Variants in HECTD2 observed in about 807,000 individuals in gnomAD.
The protein encoded by HECTD2 is probable E3 ubiquitin-protein ligase HECTD2.
In HECTD2, 35 loss-of-function variants were observed where a neutral mutation model predicts 103.2. The observed-to-expected ratio is 0.34, with a 90% CI of 0.26 to 0.45. HECTD2 has a LOEUF of 0.45. Among genes scored for constraint, HECTD2 ranks in the 20% least tolerant of loss-of-function variants. The probability of loss-of-function intolerance (pLI) is 1.00; values close to 1 mark genes in which losing one functional copy is unlikely to be tolerated. For synonymous variants in HECTD2, 281 were observed against 329.9 expected (o/e 0.85, Z 1.61); for missense variants, 596 against 937.4 (o/e 0.64, Z 4.76).
At chr10:91,474,405 A>G (rs956003515) in intron 5 of HECTD2, among the ~76,000 whole-genome samples, 1 of 152,234 alleles carries the variant, frequency 6.6e-6, no homozygotes, top group Non-Finnish European at 1.5e-5. Context: ...GGTTGAAAGT[A>G]AGGGTATATA....
intron 2 of HECTD2, among the ~76,000 whole-genome samples, chr10:91,443,469 G>T (rs1282021925): frequency 6.6e-6 from 1 of 151,476 alleles, no homozygotes; most frequent in Non-Finnish European, 1.5e-5. Context: ...TCCCAGAGGG[G>T]CACCTGCCAG....
intron 20 of HECTD2, among the ~76,000 whole-genome samples, chr10:91,508,579 A>G (rs1159464550): frequency 2.0e-5 from 3 of 150,240 alleles, no homozygotes; most frequent in Admixed American, 6.6e-5. Flanking sequence ...ATGAGATACC[A>G]TCTCACACCA....
chr10:91,489,371 T>C (rs184025062), intron 11 of HECTD2: 93 of 152,288 alleles, frequency 6.1e-4, no homozygotes, highest in African/African-American at 2.1e-3. Flanking sequence ...AGGACAATCT[T>C]ACAAATAGTC....
chr10:91,472,596 A>G (rs1845766431), intron 5 of HECTD2, among the ~76,000 whole-genome samples: 1 of 152,214 alleles, frequency 6.6e-6, no homozygotes, highest in African/African-American at 2.4e-5. Context: ...TAAAAAACTG[A>G]AATAATAAGC....
intron 5 of HECTD2, chr10:91,462,854 C>A: frequency 1.4e-6 from 1 of 712,964 alleles, no homozygotes; most frequent in Non-Finnish European, 1.7e-6. Flanking sequence ...CATAAGCATA[C>A]TGTATCCTTT....
intron 20 of HECTD2, among the ~76,000 whole-genome samples, chr10:91,504,901 G>C (rs1410725801): frequency 6.6e-6 from 1 of 152,224 alleles, no homozygotes; most frequent in East Asian, 1.9e-4. Flanking sequence ...CCCTCAAAGA[G>C]AAGCCCATCA....
intron 5 of HECTD2, among the ~76,000 whole-genome samples, chr10:91,473,830 T>C (rs761856606): frequency 6.6e-6 from 1 of 152,212 alleles, no homozygotes; most frequent in Non-Finnish European, 1.5e-5. Flanking sequence ...GGTGAGGTTC[T>C]GATCAACAGT....
intron 2 of HECTD2, among the ~76,000 whole-genome samples, chr10:91,438,511 T>A (rs1844235715): frequency 3.3e-5 from 5 of 150,828 alleles, no homozygotes; most frequent in Admixed American, 3.3e-4. Context: ...TTCCCAGTCT[T>A]TGCTATTGCG....
chr10:91,485,172 CT>C lies in HECTD2; in HGVS notation c.971-5del. On this transcript the variant is annotated splice_region_variant and splice_polypyrimidine_tract_variant and intron_variant, in intron 9 of 20. Coordinates refer to ENST00000298068, the MANE Select transcript of HECTD2 (RefSeq NM_182765.6). ...AAAAAGTCTTTATGTTAGAATTTAT[CT>C]TTACAGATACTGCAAACAATTTAGT... The C allele has an allele frequency of 6.6e-7, 1 of 1,514,476 alleles. No homozygotes were observed. The highest frequency in any genetic ancestry group is 8.9e-7 in the Non-Finnish European group (1 of 1,118,060). 93.8% of individuals were successfully genotyped at this position (1,514,476 alleles called of 1,614,324 possible). A position where few individuals can be genotyped will look rare whatever the true frequency, so the allele number is the denominator to read the frequency against.
At chr10:91,509,919 G>T (rs1847355332) in intron 20 of HECTD2, among the ~76,000 whole-genome samples, 1 of 152,060 alleles carries the variant, frequency 6.6e-6, no homozygotes, top group Admixed American at 6.5e-5. Flanking sequence ...ATGTACCCCT[G>T]AACCTAAAAT....
At chr10:91,495,052 A>C (rs1214063397) in intron 14 of HECTD2, among the ~76,000 whole-genome samples, 1 of 150,212 alleles carries the variant, frequency 6.7e-6, no homozygotes, top group African/African-American at 2.5e-5. Context: ...AAGTTAAACA[A>C]TTAAATCTAA....
chr10:91,450,267 A>G (rs1407695724), intron 2 of HECTD2, among the ~76,000 whole-genome samples: 1 of 152,200 alleles, frequency 6.6e-6, no homozygotes, highest in East Asian at 1.9e-4. Context: ...AAAAACAAGC[A>G]ATGGGGAAAG....
chr10:91,444,491 A>C (rs901114595), intron 2 of HECTD2, among the ~76,000 whole-genome samples: 2 of 152,220 alleles, frequency 1.3e-5, no homozygotes, highest in African/African-American at 2.4e-5. Flanking sequence ...TTAACACACT[A>C]TGTTAATGGA....
At chr10:91,508,763 C>G (rs1847299335) in intron 20 of HECTD2, among the ~76,000 whole-genome samples, 1 of 151,422 alleles carries the variant, frequency 6.6e-6, no homozygotes, top group African/African-American at 2.4e-5. Context: ...ACCCAGCCAT[C>G]CCATTACTGG....
intron 2 of HECTD2, among the ~76,000 whole-genome samples, chr10:91,455,249 A>C (rs1000676438): frequency 2.0e-5 from 3 of 152,074 alleles, no homozygotes; most frequent in African/African-American, 7.2e-5. Flanking sequence ...CTGACTTCTT[A>C]ATGATTGCCA....
At chr10:91,505,293 G>A (rs1326786363) in intron 20 of HECTD2, among the ~76,000 whole-genome samples, 1 of 151,548 alleles carries the variant, frequency 6.6e-6, no homozygotes, top group African/African-American at 2.4e-5. Flanking sequence ...AAATGTAAAT[G>A]GACTAAATGC....
chr10:91,465,285 G>T (rs1161069548), intron 5 of HECTD2, among the ~76,000 whole-genome samples: 1 of 152,174 alleles, frequency 6.6e-6, no homozygotes, highest in Non-Finnish European at 1.5e-5. Context: ...TGGAGGCATT[G>T]TAATGATCTC....
At chr10:91,510,972 T>C (rs1159100411) in intron 20 of HECTD2, among the ~76,000 whole-genome samples, 1 of 152,192 alleles carries the variant, frequency 6.6e-6, no homozygotes, top group African/African-American at 2.4e-5. Flanking sequence ...ACAACCACTT[T>C]TAAGTTGCTT....
chr10:91,498,092 A>T lies in HECTD2; in HGVS notation c.1681-16A>T. The T allele has an allele frequency of 6.3e-7, 1 of 1,576,014 alleles. No homozygotes were observed. The highest frequency in any genetic ancestry group is 8.7e-7 in the Non-Finnish European group (1 of 1,145,672). ...CTATTCTATTGAAAAAATCATTAAC[A>T]GATTTCTTTTTATAGGAGTTGGCCC... On this transcript the variant is annotated splice_polypyrimidine_tract_variant and intron_variant, in intron 15 of 20. Transcript: ENST00000298068.
Sources: gnomAD v4.1 joint callset for allele counts (sites outside exome capture counted in the v4.1 genomes callset) on GRCh38, gnomAD v4.1.1 for gene constraint, MANE v1.5 for transcripts, NCBI Gene and HGNC (gene_info 2026-07-23, HGNC 2026-07-21) for gene names.